SLC16A3: variants seen among roughly 807,000 people sequenced by gnomAD.
SLC16A3 encodes the protein monocarboxylate transporter 4.
A neutral mutation model predicts 25.0 loss-of-function variants in SLC16A3; 22 were observed. That is an observed-to-expected ratio of 0.88 (90% CI 0.63 to 1.26). SLC16A3 has a LOEUF of 1.26. Ranked by LOEUF, SLC16A3 falls within the 50% of genes most tolerant of loss-of-function variation. The pLI, the probability that SLC16A3 is intolerant of heterozygous loss-of-function variation, is 0.00. For synonymous variants in SLC16A3, 390 were observed against 309.2 expected, an observed-to-expected ratio of 1.26 and a Z score of -2.74; for missense variants, 731 against 666.6, an observed-to-expected ratio of 1.10 and a Z score of -1.06.
chr17:82,232,147 A>T (rs530267791), intron 1 of SLC16A3: 1 of 152,300 alleles, frequency 6.6e-6, no homozygotes, highest in African/African-American at 2.4e-5. Context: ...CATGGGATCC[A>T]GGAAGGAAAC....
At chr17:82,228,105 C>T (rs1394825835), upstream of SLC16A3, among the ~76,000 whole-genome samples, 1 of 152,216 alleles carries the variant, frequency 6.6e-6, no homozygotes, top group African/African-American at 2.4e-5. Flanking sequence ...TTAAAGCATT[C>T]CTGTGGCCCT....
At chr17:82,238,653 C>T in intron 4 of SLC16A3, 49 bp from the exon 5 acceptor site, 4 of 1,556,244 alleles carry the variant, frequency 2.6e-6, no homozygotes, top group Non-Finnish European at 3.5e-6. Context: ...GCCGTGGGCC[C>T]TGGGGGCAGC....
chr17:82,236,828 G>T lies in SLC16A3; in HGVS notation c.323G>T (p.Cys108Phe). 6.2e-7 allele frequency: 1 copy of T among 1,607,730 alleles called. No individual in the cohort carries two copies. Residue 108 changes from cysteine (C) to phenylalanine (F), a missense_variant, in exon 3 of 5, where the codon TGC (cysteine) becomes TTC (phenylalanine). Cys to Phe is a radical substitution (Grantham distance 205, BLOSUM62 -2). Coordinates refer to ENST00000582743, the MANE Select transcript of SLC16A3 (RefSeq NM_004207.4). Reference protein sequence around the residue: ...ASLGMVAASFCRSIIQVYLTT... With the variant: ...ASLGMVAASFFRSIIQVYLTT... ...CTGGGCATGGTGGCTGCGTCCTTTT[G>T]CCGGAGCATCATCCAGGTCTACCTC...
intron 1 of SLC16A3, among the ~76,000 whole-genome samples, chr17:82,232,712 G>A (rs924563988): frequency 1.6e-4 from 25 of 152,162 alleles, no homozygotes; most frequent in Non-Finnish European, 3.4e-4. Flanking sequence ...GGCTTGGGAG[G>A]GCGCATGGCT....
rs777286404 is a variant in SLC16A3 at position 82,239,485 on chromosome 17, G to C, written c.*509G>C. 5.5e-4 allele frequency: 92 copies of C among 168,654 alleles called. No individual in the cohort carries two copies. Among genetic ancestry groups the C allele is most frequent in the African/African-American group, 2.1e-3 (90 of 42,154 alleles). 10.4% of individuals were successfully genotyped at this position (168,654 alleles called of 1,614,324 possible). A position where few individuals can be genotyped will look rare whatever the true frequency, so the allele number is the denominator to read the frequency against. On this transcript the variant is annotated 3_prime_UTR_variant, in exon 5 of 5. Transcript: ENST00000582743. ...GTGTGGGTGGAGTGTTAGGACCAAC[G>C]GTTTCCTAGGAGTATGTGGTTTTGC... is the stretch of plus-strand genomic sequence containing the variant.
At position 82,237,527 on chromosome 17, in the gene SLC16A3, G is replaced by A. The variant is rs781158081; in HGVS notation, c.757G>A (p.Ala253Thr). 6 of 1,611,544 alleles carry A rather than the reference G, an allele frequency of 3.7e-6. No homozygotes were observed. The East Asian group carries it at 6.7e-5, about 18-fold the overall frequency. ...CCCGCCCGTGTTCGTGGTGAGCTAC[G>A]CCAAGGACCTGGGCGTGCCCGACAC... ...FVPPVFVVSY[A>T]KDLGVPDTKA... Residue 253 changes from alanine (A) to threonine (T), a missense_variant, in exon 4 of 5, where the codon GCC becomes ACC. By Grantham distance (58) the Ala-to-Thr change is moderately conservative. Transcript: ENST00000582743.
rs947607509 is a variant in SLC16A3, at chr17:82,239,045, C to T, written c.*69C>T. The T allele has an allele frequency of 1.4e-6, 2 of 1,437,034 alleles. No homozygotes were observed. The highest frequency in any genetic ancestry group is 1.9e-6 in the Non-Finnish European group (2 of 1,077,142). 89.0% of individuals were successfully genotyped at this position (1,437,034 alleles called of 1,614,324 possible). ...CCGGCAACGCTTGCTATTTATTTTACAAACTGGACTGGCTCAGGCAGGGCC... is the reference window on the plus strand; with the variant it reads ...CCGGCAACGCTTGCTATTTATTTTATAAACTGGACTGGCTCAGGCAGGGCC... On this transcript the variant is annotated 3_prime_UTR_variant, in exon 5 of 5. Transcript: ENST00000582743.
At position 82,237,658 on chromosome 17, in the gene SLC16A3, C is replaced by T. The variant is rs780490270; in HGVS notation, c.888C>T (p.Tyr296=). ...GGAAGGTGCGGCCCTACTCCGTCTACCTCTTCAGCTTCTCCATGTTCTTCA... is the reference window on the plus strand; with the variant it reads ...GGAAGGTGCGGCCCTACTCCGTCTATCTCTTCAGCTTCTCCATGTTCTTCA... ...GLGKVRPYSV[Y]LFSFSMFFNG... The change falls in exon 4 of 5, where the codon TAC becomes TAT. Residue 296 remains tyrosine, a synonymous_variant. Transcript: ENST00000582743. 1.3e-5 allele frequency: 21 copies of T among 1,612,924 alleles called. No homozygotes were observed. Among genetic ancestry groups the T allele is most frequent in the Admixed American group, 6.7e-5 (4 of 60,004 alleles).
At chr17:82,220,564 A>C (rs1383669037) in intron 1 of SLC16A3, among the ~76,000 whole-genome samples, 1 of 152,174 alleles carries the variant, frequency 6.6e-6, no homozygotes, top group Non-Finnish European at 1.5e-5. Flanking sequence ...TGAGCTCAGG[A>C]GTTCAAGACC....
At chr17:82,238,250 G>A (rs571892871) in intron 4 of SLC16A3, among the ~76,000 whole-genome samples, 3 of 152,348 alleles carry the variant, frequency 2.0e-5, no homozygotes, top group South Asian at 2.1e-4. Flanking sequence ...GAGCTAACAC[G>A]TGAGGGAAAT....
chr17:82,223,998 G>A (rs66871014), upstream of SLC16A3, among the ~76,000 whole-genome samples: 77,174 of 130,690 alleles, frequency 0.59, 21,968 homozygotes, highest in East Asian at 0.89. Context: ...CTGTGCAGAC[G>A]CACCCCTACA....
Position 82,238,722 on chromosome 17 carries a change from C to T in SLC16A3, c.1144C>T (p.His382Tyr). 1 of 1,611,240 alleles carries T rather than the reference C, an allele frequency of 6.2e-7. No homozygotes were observed. Among genetic ancestry groups the T allele is most frequent in the Non-Finnish European group, 8.5e-7 (1 of 1,179,358 alleles). The change falls in exon 5 of 5, where the codon CAC becomes TAC. Residue 382 changes from histidine (H) to tyrosine (Y), a missense_variant. His to Tyr is a moderately conservative substitution (Grantham distance 83, BLOSUM62 2). Transcript: ENST00000582743. ...PSGGKLLDAT[H>Y]VYMYVFILAG... ...CGCAGGCAAACTCCTGGATGCGACC[C>T]ACGTCTACATGTACGTGTTCATCCT...
At chr17:82,234,173 C>T (rs1272232493) in intron 1 of SLC16A3, 1 of 152,182 alleles carries the variant, frequency 6.6e-6, no homozygotes, top group Non-Finnish European at 1.5e-5. Context: ...TTGTAGTTAC[C>T]CTGCTGTATA....
chr17:82,231,306 A>AG (rs1051483985), intron 1 of SLC16A3: 1 of 152,090 alleles, frequency 6.6e-6, no homozygotes, highest in African/African-American at 2.4e-5. Flanking sequence ...TGCGCCGAGG[A>AG]GGGGCCTCTC....
intron 1 of SLC16A3, among the ~76,000 whole-genome samples, chr17:82,218,998 A>G (rs2050372639): frequency 6.6e-6 from 1 of 152,118 alleles, no homozygotes; most frequent in Non-Finnish European, 1.5e-5. Context: ...GTGTGAGCCC[A>G]GCAGGACTGA....
chr17:82,222,674 C>T (rs1327694698), intron 1 of SLC16A3, among the ~76,000 whole-genome samples: 1 of 151,970 alleles, frequency 6.6e-6, no homozygotes, highest in Non-Finnish European at 1.5e-5. Flanking sequence ...CGTGATGGTG[C>T]ACGCCTGTAA....
In SLC16A3 at chr17:82,240,064, T is replaced by C. The variant is rs1271515999; in HGVS notation, c.*1088T>C. 2.4e-6 allele frequency: 3 copies of C among 1,233,674 alleles called. No homozygotes were observed. The highest frequency in any genetic ancestry group is 3.0e-6 in the Non-Finnish European group (3 of 987,886). 76.4% of individuals were successfully genotyped at this position (1,233,674 alleles called of 1,614,324 possible). On this transcript the variant is annotated 3_prime_UTR_variant, in exon 5 of 5. Transcript: ENST00000582743. ...GAGAGATGCCATGTCCCTGCTCCTC[T>C]GCAATGAAAAGCAAGCGAAAAGTGC...
chr17:82,236,889 G>A lies in SLC16A3; in HGVS notation c.367+17G>A, dbSNP rs201201255. On this transcript the variant is annotated intron_variant, in intron 3 of 4. Transcript: ENST00000582743. Reference sequence around the variant, plus strand: ...TCATCACGGGTGAGTGGGGCCGGCCGGTGGGCCGCACGTGCCAGGAGGGGC... The same window carrying A: ...TCATCACGGGTGAGTGGGGCCGGCCAGTGGGCCGCACGTGCCAGGAGGGGC... 4.1e-5 allele frequency: 65 copies of A among 1,602,328 alleles called. No individual in the cohort carries two copies. The African/African-American group carries it at 5.7e-4, about 14-fold the overall frequency.
At chr17:82,234,959 G>C (rs538030726) in intron 1 of SLC16A3, 8 of 152,404 alleles carry the variant, frequency 5.2e-5, no homozygotes, top group Admixed American at 1.3e-4. Context: ...AGGCTGAGCC[G>C]GTTGGACTAG....
Sources: gnomAD v4.1 joint callset for allele counts (sites outside exome capture counted in the v4.1 genomes callset) on GRCh38, gnomAD v4.1.1 for gene constraint, MANE v1.5 for transcripts, NCBI Gene and HGNC (gene_info 2026-07-23, HGNC 2026-07-21) for gene names.